The following RIN2 variants were observed in gnomAD, a reference collection of about 807,000 sequenced individuals.
RIN2 encodes RAB5 interacting protein 2.
Under a neutral mutation model 78.0 loss-of-function variants are expected in RIN2, and 36 were observed. That is an observed-to-expected ratio of 0.46 (90% confidence interval 0.35 to 0.61). The LOEUF (loss-of-function observed/expected upper bound fraction) is 0.61. Ranked by LOEUF, RIN2 falls within the 20% of genes least tolerant of loss-of-function variation. The pLI is 0.00. For synonymous variants in RIN2, 466 were observed against 466.8 expected, an observed-to-expected ratio of 1.00 and a Z score of 0.02; for missense variants, 1,087 against 1,159.7, an observed-to-expected ratio of 0.94 and a Z score of 0.91.
At chr20:19,960,889 T>C (rs2041723885) in intron 6 of RIN2, 78 bp downstream of exon 6, 1 of 880,338 alleles carries the variant, frequency 1.1e-6, no homozygotes, top group Admixed American at 2.4e-5. Flanking sequence ...GAAGGAGCTC[T>C]GGTTATGAGA....
At chr20:19,926,785 C>A (rs1020471752) in intron 3 of RIN2, among the ~76,000 whole-genome samples, 7 of 152,216 alleles carry the variant, frequency 4.6e-5, no homozygotes, top group Non-Finnish European at 1.5e-5. Context: ...CAACACATCC[C>A]TTTTCAAACC....
intron 2 of RIN2, among the ~76,000 whole-genome samples, chr20:19,855,811 C>T (rs958760791): frequency 5.9e-5 from 9 of 152,200 alleles, no homozygotes; most frequent in Non-Finnish European, 1.3e-4. Flanking sequence ...CATGGTGGCT[C>T]ACGCTTGTAA....
intron 2 of RIN2, among the ~76,000 whole-genome samples, chr20:19,803,920 G>A (rs560123056): frequency 6.6e-6 from 1 of 152,252 alleles, no homozygotes; most frequent in South Asian, 2.1e-4. Flanking sequence ...CACTTCTCTT[G>A]TTAGCTGTAT....
At chr20:19,843,212 T>C (rs2123101698) in intron 2 of RIN2, among the ~76,000 whole-genome samples, 2 of 152,292 alleles carry the variant, frequency 1.3e-5, no homozygotes, top group South Asian at 4.1e-4. Context: ...AACTAAAGAT[T>C]TAGAATATTT....
At chr20:19,801,482 G>A (rs1214933981) in intron 2 of RIN2, among the ~76,000 whole-genome samples, 1 of 151,866 alleles carries the variant, frequency 6.6e-6, no homozygotes, top group East Asian at 1.9e-4. Flanking sequence ...CACCACGCCC[G>A]GCTAATTTTT....
At chr20:19,852,975 C>G (rs552133406) in intron 2 of RIN2, among the ~76,000 whole-genome samples, 5 of 151,492 alleles carry the variant, frequency 3.3e-5, no homozygotes, top group South Asian at 2.1e-4. Flanking sequence ...TGTTGGTGTG[C>G]TGCACCCATT....
chr20:19,896,803 G>A (rs1050060168), intron 3 of RIN2, among the ~76,000 whole-genome samples: 1 of 152,186 alleles, frequency 6.6e-6, no homozygotes, highest in Non-Finnish European at 1.5e-5. Context: ...GTAAGCCACA[G>A]ATGTAATTTT....
chr20:19,971,989 G>A lies in RIN2; in HGVS notation c.628+1060G>A, dbSNP rs199573. On this transcript the variant is annotated intron_variant, in intron 8 of 12. Coordinates refer to ENST00000255006, the MANE Select transcript of RIN2 (RefSeq NM_018993.4). The stretch of plus-strand genomic sequence containing the variant: ...AATCCTGACTTTTGGTGATCCACCC[G>A]CTTTGGTATCCCAAAGTGCTGGGAT... Among the ~76,000 whole-genome samples, 1,283 of 152,168 alleles carry A rather than the reference G, an allele frequency of 8.4e-3. 12 individuals carry two copies. The highest frequency in any genetic ancestry group is 0.029 in the African/African-American group (1,214 of 41,502).
chr20:19,838,282 G>C lies in RIN2; in HGVS notation c.-37+38535G>C, dbSNP rs569912421. Reference sequence around the variant, plus strand: ...GTCTTGAGGAAGAGAGATATGGCCTGGTTAATTAATTAATTTACCCAATCA... The same window carrying C: ...GTCTTGAGGAAGAGAGATATGGCCTCGTTAATTAATTAATTTACCCAATCA... On this transcript the variant is annotated intron_variant, in intron 2 of 12. Transcript: ENST00000255006. 8.8e-5 allele frequency among the ~76,000 whole-genome samples: 13 copies of C among 148,388 alleles called. No homozygotes were observed. The South Asian group carries it at 2.7e-3, about 31-fold the overall frequency.
intron 12 of RIN2, among the ~76,000 whole-genome samples, chr20:19,997,139 T>C (rs2042993726): frequency 6.6e-6 from 1 of 151,984 alleles, no homozygotes; most frequent in Admixed American, 6.6e-5. Context: ...GGCACAGACG[T>C]TGGAGATTTT....
intron 1 of RIN2, among the ~76,000 whole-genome samples, chr20:19,789,734 C>T (rs2122608708): frequency 6.6e-6 from 1 of 152,294 alleles, no homozygotes; most frequent in Non-Finnish European, 1.5e-5. Context: ...TCAGTCCCCT[C>T]TATGCATCCC....
At position 19,940,011 on chromosome 20, in the gene RIN2, C is replaced by T. The variant is rs1227441924; in HGVS notation, c.158+4812C>T. Among the ~76,000 whole-genome samples, 6 of 152,156 alleles carry T rather than the reference C, an allele frequency of 3.9e-5. No homozygotes were observed. In the East Asian group the frequency reaches 1.2e-3, roughly 29 times the overall value. On this transcript the variant is annotated intron_variant, in intron 4 of 12. Transcript: ENST00000255006. ...CTGGGATTACAGGCACGCGCCACCA[C>T]CACCGGCTAAGTTTTTGTATTTTAG...
At chr20:19,939,149 C>T (rs1452629517) in intron 4 of RIN2, among the ~76,000 whole-genome samples, 1 of 152,190 alleles carries the variant, frequency 6.6e-6, no homozygotes, top group Non-Finnish European at 1.5e-5. Context: ...CAGGTTCAAG[C>T]AATTCTCGTG....
intron 2 of RIN2, among the ~76,000 whole-genome samples, chr20:19,864,928 A>G (rs769315236): frequency 6.6e-6 from 1 of 152,196 alleles, no homozygotes; most frequent in South Asian, 2.1e-4. Context: ...AACACTTTCT[A>G]TAGCATTCAA....
rs759898074 is a variant in RIN2, at chr20:19,964,983, C to T, written c.495C>T (p.Phe165=). The T allele has an allele frequency of 2.5e-6, 4 of 1,613,504 alleles. No individual in the cohort carries two copies. Among genetic ancestry groups the T allele is most frequent in the South Asian group, 2.2e-5 (2 of 91,064 alleles). ...CCCTGGAAGGCTCAGGAATCAGTTT[C>T]GCAGATTTATTCCGGCTCATTGCTT... The part of the protein sequence containing the change: ...TFSLEGSGIS[F]ADLFRLIAFY... The change falls in exon 7 of 13, where the codon TTC becomes TTT. Residue 165 remains phenylalanine, a synonymous_variant. Coordinates refer to ENST00000255006, the MANE Select transcript of RIN2 (RefSeq NM_018993.4).
chr20:19,959,845 G>T (rs1268623194), intron 5 of RIN2, among the ~76,000 whole-genome samples: 2 of 152,158 alleles, frequency 1.3e-5, no homozygotes, highest in Non-Finnish European at 2.9e-5. Context: ...CTAGGTGAAT[G>T]GTGCCTCCTG....
chr20:19,830,443 C>T (rs1033994412), intron 2 of RIN2, among the ~76,000 whole-genome samples: 4 of 152,170 alleles, frequency 2.6e-5, no homozygotes, highest in African/African-American at 9.7e-5. Context: ...CATCTTCCTG[C>T]CACATGAGGG....
intron 1 of RIN2, among the ~76,000 whole-genome samples, chr20:19,772,198 C>T (rs1264764211): frequency 6.6e-6 from 1 of 152,166 alleles, no homozygotes; most frequent in East Asian, 1.9e-4. Flanking sequence ...TAGTATGGCC[C>T]AACTTTAGAG....
At chr20:19,997,827 T>C (rs772239897) in intron 12 of RIN2, among the ~76,000 whole-genome samples, 8 of 151,982 alleles carry the variant, frequency 5.3e-5, no homozygotes. Context: ...AAATAATGAG[T>C]GAGTTGGCAA....
Sources: allele counts gnomAD v4.1 joint callset (sites outside exome capture counted in the v4.1 genomes callset), GRCh38; gene constraint gnomAD v4.1.1; transcripts MANE v1.5; gene names NCBI Gene and HGNC (gene_info 2026-07-23, HGNC 2026-07-21).